STPG2: variants seen among roughly 807,000 people sequenced by gnomAD.
STPG2 encodes the protein sperm-tail PG-rich repeat-containing protein 2.
A neutral mutation model predicts 54.2 loss-of-function variants in STPG2; 56 were observed. The observed-to-expected ratio is 1.03, with a 90% CI of 0.83 to 1.29. The LOEUF is 1.29. Ranked by LOEUF, STPG2 falls within the 50% of genes most tolerant of loss-of-function variation. STPG2 has a pLI of 0.00. For missense variants in STPG2, 596 were observed against 544.9 expected (o/e 1.09, Z -0.93); for synonymous variants, 200 against 181.8 (o/e 1.10, Z -0.81).
At chr4:98,028,323 T>C (rs1349170740) in intron 5 of STPG2, among the ~76,000 whole-genome samples, 2 of 152,212 alleles carry the variant, frequency 1.3e-5, no homozygotes, top group East Asian at 3.8e-4. Flanking sequence ...TGTCACATTT[T>C]ACTATAAGCA....
At chr4:97,552,824 C>A (rs6532680) in intron 4 of STPG2, among the ~76,000 whole-genome samples, 96,799 of 151,940 alleles carry the variant, frequency 0.64, 32,012 homozygotes, top group African/African-American at 0.83. Flanking sequence ...CTCAATGCAT[C>A]CGAGCAGTTA....
chr4:97,456,891 C>CAAAAAAAAAA lies in STPG2; in HGVS notation c.462+255798_462+255807dup, dbSNP rs57563048. On this transcript the variant is annotated intron_variant, in intron 4 of 4. Coordinates refer to the STPG2 transcript ENST00000522676. ...GCCTGGGTAACAGAGTGCTCCGTCT[C>CAAAAAAAAAA]AAAAAAAAAAAAAAGAAAATTAAAA... Among the ~76,000 whole-genome samples the CAAAAAAAAAA allele has an allele frequency of 1.8e-4, 9 of 48,890 alleles. 1 individual carries two copies. Among genetic ancestry groups the CAAAAAAAAAA allele is most frequent in the African/African-American group, 4.6e-4 (4 of 8,720 alleles). The allele number at this position is 48,890 out of a possible 152,430, so 32.1% of individuals were successfully genotyped here. A position where few individuals can be genotyped will look rare whatever the true frequency, so the allele number is the denominator to read the frequency against.
chr4:97,500,117 T>A (rs1303140845), intron 4 of STPG2, among the ~76,000 whole-genome samples: 5 of 151,954 alleles, frequency 3.3e-5, no homozygotes, highest in African/African-American at 1.2e-4. Flanking sequence ...TAGGAAGATA[T>A]ATCAATAATT....
At chr4:97,933,987 C>T (rs1289783013) in intron 8 of STPG2, among the ~76,000 whole-genome samples, 1 of 152,094 alleles carries the variant, frequency 6.6e-6, no homozygotes, top group East Asian at 1.9e-4. Context: ...TGATTCTTCC[C>T]AACCATGAGG....
In STPG2 at chr4:97,917,289, G is replaced by A. The variant is rs1160935556; in HGVS notation, c.1044+26608C>T. On this transcript the variant is annotated intron_variant, in intron 8 of 10. Transcript: ENST00000295268. ...GGGGGCCACCTCTTCAACCGTCAGG[G>A]GCTTCTTCAGCTCTGCGCAAATCAC... The A allele has an allele frequency of 2.6e-5, 4 of 152,452 alleles. No individual in the cohort carries two copies. The East Asian group carries it at 7.7e-4, about 29-fold the overall frequency. 9.4% of individuals were successfully genotyped at this position (152,452 alleles called of 1,614,324 possible).
intron 9 of STPG2, among the ~76,000 whole-genome samples, chr4:97,738,560 T>A (rs1320344389): frequency 6.6e-6 from 1 of 152,108 alleles, no homozygotes; most frequent in Admixed American, 6.6e-5. Context: ...GGGGTTCCAA[T>A]CCTAGTCTCT....
intron 8 of STPG2, among the ~76,000 whole-genome samples, chr4:97,933,477 C>A (rs1400181569): frequency 2.0e-5 from 3 of 152,052 alleles, no homozygotes; most frequent in Non-Finnish European, 4.4e-5. Flanking sequence ...GATTTTCCCC[C>A]AGGGTTTTTA....
intron 9 of STPG2, among the ~76,000 whole-genome samples, chr4:97,822,662 A>G (rs1728126406): frequency 6.6e-6 from 1 of 152,200 alleles, no homozygotes; most frequent in Admixed American, 6.5e-5. Context: ...AGGAGCTTTT[A>G]CTTATGGCAG....
At chr4:98,028,953 T>G (rs901754963) in intron 5 of STPG2, among the ~76,000 whole-genome samples, 1 of 152,188 alleles carries the variant, frequency 6.6e-6, no homozygotes, top group Non-Finnish European at 1.5e-5. Context: ...TATGGTTTAT[T>G]TGGAAGTATG....
intron 5 of STPG2, among the ~76,000 whole-genome samples, chr4:98,019,943 T>A (rs1379680453): frequency 8.2e-6 from 1 of 122,334 alleles, no homozygotes; most frequent in Non-Finnish European, 1.8e-5. Context: ...TTTCTAGATA[T>A]ACAATCATGT....
At position 98,135,669 on chromosome 4, in the gene STPG2, G is replaced by A. The variant is rs148965811; in HGVS notation, c.110-1210C>T. ...TCCCAAATCAGAGAAGAAGGGAAGA[G>A]GAGAGGGAAAGGTAAAAGGAAGGGA... On this transcript the variant is annotated intron_variant, in intron 1 of 10. Transcript: ENST00000295268. 2.8e-3 allele frequency among the ~76,000 whole-genome samples: 425 copies of A among 151,732 alleles called. 1 individual carries two copies. The highest frequency in any genetic ancestry group is 0.017 in the Middle Eastern group (5 of 294).
intron 10 of STPG2, among the ~76,000 whole-genome samples, chr4:97,668,784 G>C (rs1722607241): frequency 6.6e-6 from 1 of 152,078 alleles, no homozygotes; most frequent in Non-Finnish European, 1.5e-5. Context: ...TTTAATGGGG[G>C]AAGCAGAGTT....
rs1268260574 is a variant in STPG2, at chr4:97,742,551, G to A, written c.1205-29737C>T. Among the ~76,000 whole-genome samples, 211 of 142,882 alleles carry A rather than the reference G, an allele frequency of 1.5e-3. 3 individuals are homozygous for A. The highest frequency in any genetic ancestry group is 4.8e-3 in the African/African-American group (186 of 38,504). 93.7% of individuals were successfully genotyped at this position (142,882 alleles called of 152,430 possible). A position where few individuals can be genotyped will look rare whatever the true frequency, so the allele number is the denominator to read the frequency against. The stretch of plus-strand genomic sequence containing the variant: ...TGTGTGTGTGTGTGTGTGTGTGTGT[G>A]TGTGTGTGTGTGTGTCTATATATAT... On this transcript the variant is annotated intron_variant, in intron 9 of 10. Coordinates refer to ENST00000295268, the MANE Select transcript of STPG2 (RefSeq NM_174952.3).
At chr4:98,111,293 C>T (rs940428697) in intron 3 of STPG2, among the ~76,000 whole-genome samples, 2 of 152,078 alleles carry the variant, frequency 1.3e-5, no homozygotes, top group East Asian at 1.9e-4. Context: ...TCTTAGGTAG[C>T]GAGTAGGGGG....
At chr4:97,584,232 T>G (rs1732935539) in intron 10 of STPG2, among the ~76,000 whole-genome samples, 2 of 151,956 alleles carry the variant, frequency 1.3e-5, no homozygotes, top group African/African-American at 4.8e-5. Context: ...AAAGAAACCC[T>G]CAAAATTATA....
In STPG2 at chr4:98,143,186, G is replaced by A. The variant is rs370035773; in HGVS notation, c.-36C>T. The A allele has an allele frequency of 2.1e-5, 32 of 1,547,290 alleles. No individual in the cohort carries two copies. Among genetic ancestry groups the A allele is most frequent in the Non-Finnish European group, 2.7e-5 (30 of 1,125,330 alleles). ...GTGGTGGGGGCGCTGGGGAAGGGCAGGTGCCGAAAACGATAAAAACAAGGT... is the reference window on the plus strand; with the variant it reads ...GTGGTGGGGGCGCTGGGGAAGGGCAAGTGCCGAAAACGATAAAAACAAGGT... On this transcript the variant is annotated 5_prime_UTR_variant, in exon 1 of 11. Coordinates refer to ENST00000295268, the MANE Select transcript of STPG2 (RefSeq NM_174952.3).
intron 2 of STPG2, among the ~76,000 whole-genome samples, chr4:98,128,860 A>G (rs781079685): frequency 6.6e-6 from 1 of 151,932 alleles, no homozygotes; most frequent in Non-Finnish European, 1.5e-5. Flanking sequence ...CAGCCTCCCA[A>G]GTAGCTGGGA....
chr4:97,771,593 G>A (rs1276058646), intron 9 of STPG2, among the ~76,000 whole-genome samples: 1 of 152,210 alleles, frequency 6.6e-6, no homozygotes. Context: ...CATGTAGAAG[G>A]AATGGGGTTT....
At chr4:97,592,216 C>G (rs1327656434) in intron 10 of STPG2, among the ~76,000 whole-genome samples, 2 of 151,948 alleles carry the variant, frequency 1.3e-5, no homozygotes, top group Non-Finnish European at 2.9e-5. Context: ...AACTAATACT[C>G]ATTTTTTATT....
Sources: allele counts gnomAD v4.1 joint callset (sites outside exome capture counted in the v4.1 genomes callset), GRCh38; gene constraint gnomAD v4.1.1; transcripts MANE v1.5; gene names NCBI Gene and HGNC (gene_info 2026-07-23, HGNC 2026-07-21).